PPM1H: variants seen among roughly 807,000 people sequenced by gnomAD.
PPM1H encodes protein phosphatase 1H.
PPM1H carries 27 observed loss-of-function variants against 54.9 expected under a neutral mutation model. The ratio of observed to expected loss-of-function variants is 0.49; its 90% CI spans 0.36 to 0.68. The LOEUF is 0.68. Ranked by LOEUF, PPM1H falls within the 30% of genes least tolerant of loss-of-function variation. The pLI, the probability that PPM1H is intolerant of heterozygous loss-of-function variation, is 0.00. For synonymous variants in PPM1H, 305 were observed against 270.8 expected (o/e 1.13, Z -1.24); for missense variants, 596 against 667.8 (o/e 0.89, Z 1.19).
chr12:62,675,537 G>A (rs1437847799), intron 8 of PPM1H, among the ~76,000 whole-genome samples: 2 of 152,224 alleles, frequency 1.3e-5, no homozygotes, highest in Non-Finnish European at 2.9e-5. Context: ...ACATGAGGGT[G>A]CAGAACAGAT....
At chr12:62,772,932 G>A (rs1222431648) in intron 4 of PPM1H, among the ~76,000 whole-genome samples, 8 of 151,216 alleles carry the variant, frequency 5.3e-5, no homozygotes, top group Non-Finnish European at 7.4e-5. Flanking sequence ...GGTGGATCAC[G>A]AGGTCAAGAG....
chr12:62,830,766 C>T (rs904045750), intron 2 of PPM1H, among the ~76,000 whole-genome samples: 2 of 152,176 alleles, frequency 1.3e-5, no homozygotes, highest in Admixed American at 6.5e-5. Context: ...GATAAATCCC[C>T]GTAAGTCAAC....
chr12:62,828,555 T>G (rs763034109), intron 2 of PPM1H, among the ~76,000 whole-genome samples: 25 of 152,300 alleles, frequency 1.6e-4, no homozygotes, highest in Non-Finnish European at 3.2e-4. Flanking sequence ...GTTTTGTATC[T>G]CCATAGTGTC....
rs1253889847 is a variant in PPM1H, at chr12:62,934,134, G to A, written c.245+358C>T. On this transcript the variant is annotated intron_variant, in intron 1 of 9. Coordinates refer to ENST00000228705, the MANE Select transcript of PPM1H (RefSeq NM_020700.2). This position sits in a 1 kb window ranked among gnomAD's most constrained non-coding sequence, Gnocchi z 4.2. ...TTTTGGGAGGGTGGGGGTACAGATA[G>A]CAGATTTTCCTTATGTGTTTCAAAC... 1.9e-5 allele frequency: 4 copies of A among 211,934 alleles called. No individual in the cohort carries two copies. The highest frequency in any genetic ancestry group is 6.9e-5 in the African/African-American group (3 of 43,648). 13.1% of individuals were successfully genotyped at this position (211,934 alleles called of 1,614,324 possible).
At chr12:62,914,330 C>T (rs1437733654) in intron 1 of PPM1H, among the ~76,000 whole-genome samples, 2 of 152,188 alleles carry the variant, frequency 1.3e-5, no homozygotes, top group Non-Finnish European at 2.9e-5. Context: ...GCCCAATCTT[C>T]CAGCCAGAAG....
At chr12:62,802,400 G>C (rs752575298) in intron 2 of PPM1H, among the ~76,000 whole-genome samples, 1 of 152,094 alleles carries the variant, frequency 6.6e-6, no homozygotes, top group Non-Finnish European at 1.5e-5. Flanking sequence ...AGGATGAAGC[G>C]GTCTCTGCCT....
At chr12:62,680,521 A>G (rs2076013780) in intron 8 of PPM1H, among the ~76,000 whole-genome samples, 1 of 152,090 alleles carries the variant, frequency 6.6e-6, no homozygotes. Context: ...ATTTCCTCTC[A>G]GAATCCAGCT....
At chr12:62,712,029 C>G (rs533003451) in intron 6 of PPM1H, among the ~76,000 whole-genome samples, 15 of 152,242 alleles carry the variant, frequency 9.9e-5, no homozygotes, top group Admixed American at 9.8e-4. Flanking sequence ...GCAGCTAGAG[C>G]TGCAAATCTT....
chr12:62,733,047 A>C (rs2076331480), intron 5 of PPM1H, among the ~76,000 whole-genome samples: 1 of 152,184 alleles, frequency 6.6e-6, no homozygotes, highest in East Asian at 1.9e-4. Context: ...TGTATTTTAT[A>C]TTACCATGCA....
intron 4 of PPM1H, among the ~76,000 whole-genome samples, chr12:62,758,820 A>C (rs2076489917): frequency 1.3e-5 from 2 of 152,200 alleles, no homozygotes; most frequent in Admixed American, 1.3e-4. Flanking sequence ...TGTGACCTGC[A>C]CTTTTACATC....
chr12:62,831,090 T>C (rs1167632102), intron 2 of PPM1H, among the ~76,000 whole-genome samples: 5 of 152,110 alleles, frequency 3.3e-5, no homozygotes, highest in Non-Finnish European at 7.4e-5. Flanking sequence ...CCTGACCTCA[T>C]GATCCGCCTG....
At chr12:62,817,560 T>A (rs1395497362) in intron 2 of PPM1H, among the ~76,000 whole-genome samples, 1 of 152,136 alleles carries the variant, frequency 6.6e-6, no homozygotes, top group Non-Finnish European at 1.5e-5. Context: ...TTTAGCATAA[T>A]AAAATGAGAT....
chr12:62,738,770 G>T (rs925504286), intron 4 of PPM1H, among the ~76,000 whole-genome samples: 3 of 152,050 alleles, frequency 2.0e-5, no homozygotes, highest in African/African-American at 2.4e-5. Context: ...AAATGCCTTC[G>T]ATCAGCTCAG....
intron 9 of PPM1H, among the ~76,000 whole-genome samples, chr12:62,652,846 T>C (rs907312011): frequency 3.3e-5 from 5 of 152,232 alleles, no homozygotes; most frequent in African/African-American, 9.6e-5. Flanking sequence ...TCTTTGCTTT[T>C]TATGAAACTA....
intron 1 of PPM1H, among the ~76,000 whole-genome samples, chr12:62,931,325 A>G (rs1872125453): frequency 6.6e-6 from 1 of 152,188 alleles, no homozygotes; most frequent in Non-Finnish European, 1.5e-5. Flanking sequence ...GGTACCTTCT[A>G]GTACAAAGAG....
chr12:62,889,707 A>T (rs1391296266), intron 1 of PPM1H, among the ~76,000 whole-genome samples: 1 of 152,310 alleles, frequency 6.6e-6, no homozygotes, highest in East Asian at 1.9e-4. Context: ...CCGTGCTGGA[A>T]CAACTAGAAA....
chr12:62,816,374 T>A (rs1315767554), intron 2 of PPM1H, among the ~76,000 whole-genome samples: 1 of 152,224 alleles, frequency 6.6e-6, no homozygotes, highest in Non-Finnish European at 1.5e-5. Flanking sequence ...GGACGTGACA[T>A]CACAAGTGGA....
At chr12:62,666,969 C>T (rs963487495) in intron 9 of PPM1H, among the ~76,000 whole-genome samples, 7 of 152,322 alleles carry the variant, frequency 4.6e-5, no homozygotes, top group Admixed American at 1.3e-4. Flanking sequence ...GCCTTGGCCC[C>T]CCAAAGTGCT....
chr12:62,801,916 G>C lies in PPM1H; in HGVS notation c.656C>G (p.Pro219Arg), dbSNP rs777459768. ...AASLRGGVGAPGSPSTPPTRF... is the reference protein window; with the variant it reads ...AASLRGGVGARGSPSTPPTRF... ...TGTGGGGGGCGTGCTGGGGGAGCCC[G>C]GGGCCCCCACCCCTCCGCGCAGGGA... The change falls in exon 3 of 10, where the codon CCG (proline) becomes CGG (arginine). Residue 219 changes from proline (P) to arginine (R), a missense_variant. Coordinates refer to ENST00000228705, the MANE Select transcript of PPM1H (RefSeq NM_020700.2). 3.7e-6 allele frequency: 6 copies of C among 1,613,124 alleles called. No individual in the cohort carries two copies. Among genetic ancestry groups the C allele is most frequent in the Non-Finnish European group, 4.2e-6 (5 of 1,179,552 alleles).
Sources: allele counts gnomAD v4.1 joint callset (sites outside exome capture counted in the v4.1 genomes callset), GRCh38; gene constraint gnomAD v4.1.1; non-coding constraint Gnocchi (gnomAD v3.1); transcripts MANE v1.5; gene names NCBI Gene and HGNC (gene_info 2026-07-23, HGNC 2026-07-21).